The following ZNF862 variants were observed in gnomAD, a reference collection of about 807,000 sequenced individuals.
ZNF862 encodes zinc finger protein 862.
In ZNF862, 64 loss-of-function variants were observed where a neutral mutation model predicts 91.1. The ratio of observed to expected loss-of-function variants is 0.70; its 90% CI spans 0.57 to 0.87. The LOEUF (loss-of-function observed/expected upper bound fraction) is 0.87. Ranked by LOEUF, ZNF862 falls within the 40% of genes least tolerant of loss-of-function variation. The pLI is 0.00. For synonymous variants in ZNF862, 631 were observed against 618.1 expected, an observed-to-expected ratio of 1.02 and a Z score of -0.31; for missense variants, 1,459 against 1,528.0, an observed-to-expected ratio of 0.95 and a Z score of 0.75.
Position 149,862,106 on chromosome 7 carries a change from A to G in ZNF862, c.2946A>G (p.Thr982=), listed in dbSNP as rs1802531229. ...LARYFECSLP[T]GYSEEALLEE... is the part of the protein sequence containing the mutation. The stretch of plus-strand genomic sequence containing the variant: ...GGTATTTCGAGTGCTCCCTCCCAAC[A>G]GGATACAGTGAGGAAGCTCTGCTGG... The change falls in exon 7 of 8, where the codon ACA becomes ACG. Residue 982 remains threonine, a synonymous_variant. Coordinates refer to ENST00000223210, the MANE Select transcript of ZNF862 (RefSeq NM_001099220.3). The G allele has an allele frequency of 3.1e-6, 5 of 1,613,620 alleles. No homozygotes were observed. In the East Asian group the frequency reaches 8.9e-5, roughly 29 times the overall value.
chr7:149,864,177 A>G lies in ZNF862; in HGVS notation c.3403A>G (p.Ile1135Val). Reference sequence around the variant, plus strand: ...GGAGCCCAGGACCCAGAAGCCACCCATCCTGCCCTCCAGGGAAGCAGCGGA... The same window carrying G: ...GGAGCCCAGGACCCAGAAGCCACCCGTCCTGCCCTCCAGGGAAGCAGCGGA... ...VEEPRTQKPPILPSREAAEVL... is the reference protein window; with the variant it reads ...VEEPRTQKPPVLPSREAAEVL... Residue 1135 changes from isoleucine to valine, a missense_variant, in exon 8 of 8, where the codon ATC becomes GTC. Ile to Val is a conservative substitution (Grantham distance 29, BLOSUM62 3). Transcript: ENST00000223210. The G allele has an allele frequency of 6.3e-7, 1 of 1,595,918 alleles. No individual in the cohort carries two copies. The highest frequency in any genetic ancestry group is 1.1e-5 in the South Asian group (1 of 87,674).
Position 149,861,978 on chromosome 7 carries a change from C to G in ZNF862, c.2818C>G (p.Arg940Gly), listed in dbSNP as rs1193121966. The change falls in exon 7 of 8, where the codon CGA becomes GGA. Residue 940 changes from arginine to glycine, a missense_variant. Coordinates refer to ENST00000223210, the MANE Select transcript of ZNF862 (RefSeq NM_001099220.3). This position sits in a 1 kb window ranked among gnomAD's most constrained non-coding sequence, Gnocchi z 6.7. Reference sequence around the variant, plus strand: ...CCTCCAGCAGAGGTTTGACGCAGACCGACCCCCACAGCTGAAGAACATGGA... The same window carrying G: ...CCTCCAGCAGAGGTTTGACGCAGACGGACCCCCACAGCTGAAGAACATGGA... ...EYLQQRFDAD[R>G]PPQLKNMEVF... is the part of the protein sequence containing the mutation. The G allele has an allele frequency of 6.2e-7, 1 of 1,613,650 alleles. No individual in the cohort carries two copies. Among genetic ancestry groups the G allele is most frequent in the Non-Finnish European group, 8.5e-7 (1 of 1,179,878 alleles).
chr7:149,851,826 C>CA, intron 5 of ZNF862: 1 of 152,050 alleles, frequency 6.6e-6, no homozygotes. Context: ...TTTGGATGAA[C>CA]AAAAAATGTA....
Position 149,867,105 on chromosome 7 carries a change from C to CT in ZNF862, c.*2822dup, listed in dbSNP as rs903458924. 1 of 152,254 alleles carries CT rather than the reference C, an allele frequency of 6.6e-6. No individual in the cohort carries two copies. The highest frequency in any genetic ancestry group is 1.5e-5 in the Non-Finnish European group (1 of 68,072). The allele number at this position is 152,254 out of a possible 1,614,324, so 9.4% of individuals were successfully genotyped here. On this transcript the variant is annotated 3_prime_UTR_variant, in exon 8 of 8. Transcript: ENST00000223210. ...CATTTCCCCTCCCTCTCCCTGATGA[C>CT]TGATACCCACCGGGTCTGACATTCC... is the stretch of plus-strand genomic sequence containing the variant.
intron 1 of ZNF862, chr7:149,841,507 C>A (rs1163453210): frequency 1.0e-6 from 1 of 982,946 alleles, no homozygotes; most frequent in Non-Finnish European, 1.2e-6. Flanking sequence ...TTGACTCTTA[C>A]ATCCCCAGCT....
rs776992374 is a variant in ZNF862 at position 149,848,225 on chromosome 7, C to G, written c.732C>G (p.Pro244=). ...LFTADCPIFY[P]PGPLGGFDSM... ...CTGCAGATTGCCCCATATTCTACCC[C>G]CCAGGGCCTCTGGGAGGATTTGATA... The change falls in exon 4 of 8, where the codon CCC becomes CCG. Residue 244 remains proline, a synonymous_variant. Transcript: ENST00000223210. 3.7e-6 allele frequency: 6 copies of G among 1,613,836 alleles called. No homozygotes were observed. Among genetic ancestry groups the G allele is most frequent in the Admixed American group, 3.3e-5 (2 of 60,006 alleles).
At chr7:149,859,782 G>A in intron 6 of ZNF862, 1 of 458,628 alleles carries the variant, frequency 2.2e-6, no homozygotes, top group Non-Finnish European at 3.9e-6. Flanking sequence ...GAGCTGGTGG[G>A]AGCAGGTACG....
Position 149,861,976 on chromosome 7 carries a change from A to G in ZNF862, c.2816A>G (p.Asp939Gly). The change falls in exon 7 of 8, where the codon GAC (aspartate) becomes GGC (glycine). Residue 939 changes from aspartate (D) to glycine (G), a missense_variant. Coordinates refer to ENST00000223210, the MANE Select transcript of ZNF862 (RefSeq NM_001099220.3). The surrounding 1 kb of genome is among the most constrained non-coding windows in gnomAD (Gnocchi z 6.7). Reference protein sequence around the residue: ...IEYLQQRFDADRPPQLKNMEV... With the variant: ...IEYLQQRFDAGRPPQLKNMEV... ...TACCTCCAGCAGAGGTTTGACGCAG[A>G]CCGACCCCCACAGCTGAAGAACATG... 1 of 1,613,780 alleles carries G rather than the reference A, an allele frequency of 6.2e-7. No homozygotes were observed. The highest frequency in any genetic ancestry group is 8.5e-7 in the Non-Finnish European group (1 of 1,179,866).
At position 149,861,191 on chromosome 7, in the gene ZNF862, C is replaced by A; in HGVS notation, c.2031C>A (p.Ala677=). 6.2e-7 allele frequency: 1 copy of A among 1,612,742 alleles called. No individual in the cohort carries two copies. Among genetic ancestry groups the A allele is most frequent in the East Asian group, 2.2e-5 (1 of 44,852 alleles). The change falls in exon 7 of 8, where the codon GCC becomes GCA. Residue 677 remains alanine, a synonymous_variant. Coordinates refer to ENST00000223210, the MANE Select transcript of ZNF862 (RefSeq NM_001099220.3). The surrounding 1 kb of genome is among the most constrained non-coding windows in gnomAD (Gnocchi z 6.7). ...GGTACTTCGAGACCATCGTTTCTGCCCTGGATGAGCTGGACATCCCCTTCC... is the reference window on the plus strand; with the variant it reads ...GGTACTTCGAGACCATCGTTTCTGCACTGGATGAGCTGGACATCCCCTTCC... The part of the protein sequence containing the change: ...ADGYFETIVS[A]LDELDIPFRK...
chr7:149,840,705 A>G (rs999933678), intron 1 of ZNF862, among the ~76,000 whole-genome samples: 13 of 151,206 alleles, frequency 8.6e-5, no homozygotes, highest in African/African-American at 3.2e-4. Context: ...AATACTTACC[A>G]TGTGTTACAG....
chr7:149,863,981 A>T, intron 7 of ZNF862, 128 bp from the exon 8 acceptor site: 1 of 885,862 alleles, frequency 1.1e-6, no homozygotes, highest in Non-Finnish European at 1.7e-6. Flanking sequence ...GGCTGCAAAG[A>T]GCAGTCGTGG....
chr7:149,852,264 A>G (rs981729433), intron 5 of ZNF862: 3 of 151,686 alleles, frequency 2.0e-5, no homozygotes, highest in African/African-American at 7.3e-5. Context: ...CAAATGCTCT[A>G]AGAGTTGAAA....
rs373502971 is a variant in ZNF862 at position 149,848,072 on chromosome 7, C to T, written c.579C>T (p.His193=). 41 of 1,614,048 alleles carry T rather than the reference C, an allele frequency of 2.5e-5. No individual in the cohort carries two copies. The highest frequency in any genetic ancestry group is 1.6e-4 in the Middle Eastern group (1 of 6,062). Residue 193 remains histidine, a synonymous_variant, in exon 4 of 8, where the codon CAC becomes CAT. Transcript: ENST00000223210. ...TCAAGGTGGAGACTCTCAAATACCA[C>T]GCGAAGAGCAAGGCCCACATGTTCT... The part of the protein sequence containing the change: ...GPFKVETLKY[H]AKSKAHMFCV...
intron 5 of ZNF862, among the ~76,000 whole-genome samples, chr7:149,851,308 G>A (rs539007880): frequency 6.6e-6 from 1 of 152,290 alleles, no homozygotes; most frequent in Non-Finnish European, 1.5e-5. Flanking sequence ...TAGGATTACA[G>A]GTATGAGCCA....
intron 3 of ZNF862, 59 bp from the exon 4 acceptor site, chr7:149,847,676 G>A (rs1671677335): frequency 3.2e-6 from 4 of 1,242,420 alleles, no homozygotes; most frequent in Middle Eastern, 2.1e-4. Flanking sequence ...GCCCCTGTGA[G>A]TTGCAGTGGC....
In ZNF862 at chr7:149,848,365, C is replaced by T; in HGVS notation, c.872C>T (p.Thr291Ile). ...CISDLRQKEI[T>I]DGIHSSSDIN... ...TCAGATTTGAGGCAAAAAGAAATCA[C>T]TGATGGCATCCACAGCTCCTCAGAC... Residue 291 changes from threonine (T) to isoleucine (I), a missense_variant, in exon 4 of 8, where the codon ACT becomes ATT. Coordinates refer to ENST00000223210, the MANE Select transcript of ZNF862 (RefSeq NM_001099220.3). The T allele has an allele frequency of 6.2e-7, 1 of 1,604,846 alleles. No homozygotes were observed.
Position 149,850,483 on chromosome 7 carries a change from C to G in ZNF862, c.1117+145C>G. On this transcript the variant is annotated intron_variant, in intron 5 of 7. Coordinates refer to ENST00000223210, the MANE Select transcript of ZNF862 (RefSeq NM_001099220.3). The surrounding 1 kb of genome is among the most constrained non-coding windows in gnomAD (Gnocchi z 4.2). Reference sequence around the variant, plus strand: ...CGATCCTGTCTTTTGCACCTCATAACTCCCCTGCTTGGGGTAACTGTGCTT... The same window carrying G: ...CGATCCTGTCTTTTGCACCTCATAAGTCCCCTGCTTGGGGTAACTGTGCTT... The G allele has an allele frequency of 2.5e-6, 2 of 795,298 alleles. No homozygotes were observed. The highest frequency in any genetic ancestry group is 3.9e-6 in the Non-Finnish European group (2 of 515,410). 49.3% of individuals were successfully genotyped at this position (795,298 alleles called of 1,614,324 possible).
rs74701024 is a variant in ZNF862 at position 149,855,489 on chromosome 7, C to T, written c.1118-3933C>T. Among the ~76,000 whole-genome samples the T allele has an allele frequency of 2.5e-3, 380 of 152,268 alleles. 1 individual carries two copies. Among genetic ancestry groups the T allele is most frequent in the African/African-American group, 8.5e-3 (354 of 41,546 alleles). The stretch of plus-strand genomic sequence containing the variant: ...TCTGACTCATCCTCAGTGGGAATGG[C>T]GTTGGTGGGTGGGAGAGGTATAAGA... On this transcript the variant is annotated intron_variant, in intron 5 of 7. Coordinates refer to ENST00000223210, the MANE Select transcript of ZNF862 (RefSeq NM_001099220.3). The surrounding 1 kb of genome is among the most constrained non-coding windows in gnomAD (Gnocchi z 4.1).
Position 149,838,561 on chromosome 7 carries a change from C to G in ZNF862, c.-51C>G. ...GGGGCGGTCGCGGCGGCTGCATCCT[C>G]AGGCCAGGCCGCGGGGGGAGGGGGC... On this transcript the variant is annotated 5_prime_UTR_variant, in exon 1 of 8. Transcript: ENST00000223210. 2 of 1,186,944 alleles carry G rather than the reference C, an allele frequency of 1.7e-6. No individual in the cohort carries two copies. The highest frequency in any genetic ancestry group is 2.1e-6 in the Non-Finnish European group (2 of 946,574). The allele number at this position is 1,186,944 out of a possible 1,614,324, so 73.5% of individuals were successfully genotyped here.
Sources: gnomAD v4.1 joint callset for allele counts (sites outside exome capture counted in the v4.1 genomes callset) on GRCh38, gnomAD v4.1.1 for gene constraint, Gnocchi (gnomAD v3.1) non-coding constraint, MANE v1.5 for transcripts, NCBI Gene and HGNC (gene_info 2026-07-23, HGNC 2026-07-21) for gene names.